Variants in MACROD2 observed in about 807,000 individuals in gnomAD.
MACROD2 encodes the protein mono-ADP ribosylhydrolase 2, also known as ADP-ribose glycohydrolase MACROD2.
A neutral mutation model predicts 70.4 loss-of-function variants in MACROD2; 36 were observed. That is an observed-to-expected ratio of 0.51 (90% confidence interval 0.39 to 0.68). The LOEUF is 0.68. Ranked by LOEUF, MACROD2 falls within the 30% of genes least tolerant of loss-of-function variation. The pLI, the probability that MACROD2 is intolerant of heterozygous loss-of-function variation, is 0.00. For missense variants in MACROD2, 496 were observed against 538.4 expected, an observed-to-expected ratio of 0.92 and a Z score of 0.78; for synonymous variants, 172 against 178.8, an observed-to-expected ratio of 0.96 and a Z score of 0.30.
At chr20:15,447,283 A>G (rs2046581566) in intron 7 of MACROD2, among the ~76,000 whole-genome samples, 1 of 152,156 alleles carries the variant, frequency 6.6e-6, no homozygotes, top group Non-Finnish European at 1.5e-5. Flanking sequence ...GCAGGGCAAC[A>G]ATTCCTGGGA....
At chr20:15,639,413 C>T (rs555299047) in intron 8 of MACROD2, among the ~76,000 whole-genome samples, 7 of 152,260 alleles carry the variant, frequency 4.6e-5, no homozygotes, top group South Asian at 2.1e-4. Flanking sequence ...CTCTGAAATT[C>T]GAGGTCATCC....
At chr20:15,199,431 T>G (rs1342620841) in intron 5 of MACROD2, among the ~76,000 whole-genome samples, 1 of 152,198 alleles carries the variant, frequency 6.6e-6, no homozygotes, top group Non-Finnish European at 1.5e-5. Context: ...GGTGACTTAT[T>G]TAACCTCTTT....
chr20:15,413,353 G>A (rs548425954), intron 6 of MACROD2, among the ~76,000 whole-genome samples: 29 of 152,250 alleles, frequency 1.9e-4, no homozygotes, highest in African/African-American at 7.0e-4. Flanking sequence ...CATATGTAAA[G>A]GAAACATTAA....
At chr20:14,421,566 G>A (rs2083876373) in intron 3 of MACROD2, among the ~76,000 whole-genome samples, 1 of 152,052 alleles carries the variant, frequency 6.6e-6, no homozygotes, top group Non-Finnish European at 1.5e-5. Context: ...AACAGCACTT[G>A]CTTTTGGTGC....
At chr20:15,401,290 G>C (rs541415762) in intron 6 of MACROD2, among the ~76,000 whole-genome samples, 2 of 152,024 alleles carry the variant, frequency 1.3e-5, no homozygotes. Context: ...CGCCCGCCTC[G>C]GCCTCCCAAA....
chr20:14,981,020 A>G (rs1340358607), intron 5 of MACROD2, among the ~76,000 whole-genome samples: 2 of 139,186 alleles, frequency 1.4e-5, no homozygotes, highest in South Asian at 4.4e-4. Context: ...TTACAAAAAG[A>G]AGTGTGTGTG....
chr20:15,153,662 A>G (rs1381302973), intron 5 of MACROD2, among the ~76,000 whole-genome samples: 2 of 152,224 alleles, frequency 1.3e-5, no homozygotes, highest in Non-Finnish European at 2.9e-5. Flanking sequence ...TATGGAATAC[A>G]TACTGAATGA....
intron 3 of MACROD2, among the ~76,000 whole-genome samples, chr20:14,418,645 A>T (rs1263344308): frequency 1.3e-5 from 2 of 152,214 alleles, no homozygotes; most frequent in African/African-American, 4.8e-5. Flanking sequence ...GGCAAACTTT[A>T]TATTCTTATT....
In MACROD2 at chr20:15,084,602, T is replaced by C. The variant is rs532570807; in HGVS notation, c.419-145338T>C. On this transcript the variant is annotated intron_variant, in intron 5 of 17. Transcript: ENST00000684519. ...CACCAAACTGCTAACAGTGACTCTT[T>C]CTGTCATGTTGAGGAGATTAGAGGT... Among the ~76,000 whole-genome samples the C allele has an allele frequency of 2.6e-5, 4 of 152,318 alleles. No homozygotes were observed. In the South Asian group the frequency reaches 8.3e-4, roughly 32 times the overall value.
chr20:15,335,631 A>G (rs927398755), intron 6 of MACROD2, among the ~76,000 whole-genome samples: 1 of 151,740 alleles, frequency 6.6e-6, no homozygotes, highest in South Asian at 2.1e-4. Context: ...ATAGTTTGCT[A>G]GTTTGCTCTA....
chr20:15,512,462 ATTC>A (rs143995631), intron 8 of MACROD2, among the ~76,000 whole-genome samples: 2,395 of 152,308 alleles, frequency 0.016, 58 homozygotes, highest in African/African-American at 0.053. Flanking sequence ...ACACAACTTA[ATTC>A]TTCTTTGAGT....
chr20:15,904,577 C>T (rs1274610121), intron 10 of MACROD2, among the ~76,000 whole-genome samples: 1 of 151,772 alleles, frequency 6.6e-6, no homozygotes, highest in East Asian at 1.9e-4. Context: ...TTATGATTGC[C>T]AAGCTCAAGA....
At chr20:15,087,822 C>A (rs936482671) in intron 5 of MACROD2, among the ~76,000 whole-genome samples, 9 of 151,774 alleles carry the variant, frequency 5.9e-5, no homozygotes, top group African/African-American at 1.9e-4. Context: ...AAAAAGTTCT[C>A]ACAAATTTGT....
rs565109445 is a variant in MACROD2 at position 15,963,349 on chromosome 20, G to A, written c.908-4204G>A. ...CTGTCATCACTCTGAATAATAGTCA[G>A]GGGCTTCCTCTCTTACTCGGTGCGT... On this transcript the variant is annotated intron_variant, in intron 12 of 17. Coordinates refer to ENST00000684519, the MANE Select transcript of MACROD2 (RefSeq NM_001351661.2). 5.3e-5 allele frequency among the ~76,000 whole-genome samples: 8 copies of A among 152,278 alleles called. No individual in the cohort carries two copies. In the East Asian group the frequency reaches 1.2e-3, roughly 22 times the overall value.
At chr20:15,924,261 C>T (rs919103592) in intron 10 of MACROD2, among the ~76,000 whole-genome samples, 3 of 152,194 alleles carry the variant, frequency 2.0e-5, no homozygotes, top group Non-Finnish European at 2.9e-5. Flanking sequence ...TGCCCACAAC[C>T]TCAGATATAT....
intron 5 of MACROD2, among the ~76,000 whole-genome samples, chr20:14,937,651 T>C (rs1464970336): frequency 6.6e-6 from 1 of 152,120 alleles, no homozygotes; most frequent in Non-Finnish European, 1.5e-5. Context: ...TATATATGTA[T>C]ATATAATCTT....
intron 3 of MACROD2, among the ~76,000 whole-genome samples, chr20:14,445,878 A>G (rs2084176878): frequency 6.6e-6 from 1 of 152,148 alleles, no homozygotes; most frequent in Admixed American, 6.5e-5. Flanking sequence ...GTCATTTCTG[A>G]TCACTGGGCC....
At chr20:14,783,779 CA>C (rs1447809479) in intron 5 of MACROD2, among the ~76,000 whole-genome samples, 1 of 152,120 alleles carries the variant, frequency 6.6e-6, no homozygotes, top group East Asian at 1.9e-4. Flanking sequence ...CAACTGTGAG[CA>C]AGTATAGCTT....
chr20:15,354,879 GA>G lies in MACROD2; in HGVS notation c.541-76524del, dbSNP rs1848124918. ...ATAAAGTTGTATCTGTACCATGATA[GA>G]ACTACATAGTAATATGTACTAGTAC... On this transcript the variant is annotated intron_variant, in intron 6 of 17. Transcript: ENST00000684519. Among the ~76,000 whole-genome samples, 2 of 152,160 alleles carry G rather than the reference GA, an allele frequency of 1.3e-5. 1 individual carries two copies. The highest frequency in any genetic ancestry group is 4.1e-4 in the South Asian group (2 of 4,834).
Sources: gnomAD v4.1 joint callset for allele counts (sites outside exome capture counted in the v4.1 genomes callset) on GRCh38, gnomAD v4.1.1 for gene constraint, MANE v1.5 for transcripts, NCBI Gene and HGNC (gene_info 2026-07-23, HGNC 2026-07-21) for gene names.